Variants in HMCN1 observed in about 807,000 individuals in gnomAD.
HMCN1 encodes hemicentin-1.
In HMCN1, 321 loss-of-function variants were observed where a neutral mutation model predicts 625.9. The ratio of observed to expected loss-of-function variants is 0.51; its 90% CI spans 0.47 to 0.56. The LOEUF (loss-of-function observed/expected upper bound fraction) is 0.56, where lower values mean the gene tolerates loss of function less well. HMCN1 is among the 20% of genes least tolerant of loss of function. HMCN1 has a pLI of 0.00. For missense variants in HMCN1, 6,588 were observed against 6,887.3 expected, an observed-to-expected ratio of 0.96 and a Z score of 1.54; for synonymous variants, 2,425 against 2,417.6, an observed-to-expected ratio of 1.00 and a Z score of -0.09.
At position 186,041,097 on chromosome 1, in the gene HMCN1, G is replaced by C. The variant is rs931620705; in HGVS notation, c.6265G>C (p.Ala2089Pro). The part of the protein sequence containing the change: ...GRYTCVAVNA[A>P]GEKQRDIDLR... ...GTACACCTGCGTGGCAGTGAATGCT[G>C]CTGGAGAAAAGCAAAGGGACATTGA... The change falls in exon 40 of 107, where the codon GCT becomes CCT. Residue 2089 changes from alanine to proline, a missense_variant. Ala to Pro is a conservative substitution (Grantham distance 27, BLOSUM62 -1). Around this residue, in one of 3 missense-constraint regions of HMCN1, gnomAD observed 4,628 missense variants for 4,853.1 expected, o/e 0.95. Coordinates refer to ENST00000271588, the MANE Select transcript of HMCN1 (RefSeq NM_031935.3). 1 of 1,612,960 alleles carries C rather than the reference G, an allele frequency of 6.2e-7. No individual in the cohort carries two copies. Among genetic ancestry groups the C allele is most frequent in the Non-Finnish European group, 8.5e-7 (1 of 1,179,174 alleles).
intron 55 of HMCN1, among the ~76,000 whole-genome samples, chr1:186,079,184 T>C (rs982150268): frequency 1.3e-5 from 2 of 152,152 alleles, no homozygotes; most frequent in African/African-American, 4.8e-5. Flanking sequence ...TCCCCCTTTA[T>C]CTTGGCTTTT....
intron 2 of HMCN1, among the ~76,000 whole-genome samples, chr1:185,849,050 C>T (rs191659008): frequency 7.4e-4 from 113 of 152,250 alleles, no homozygotes; most frequent in South Asian, 4.1e-4. Flanking sequence ...ATCTACTTGA[C>T]TCTTTACCCA....
At chr1:186,048,386 T>A (rs1272874977) in intron 41 of HMCN1, among the ~76,000 whole-genome samples, 1 of 152,168 alleles carries the variant, frequency 6.6e-6, no homozygotes, top group East Asian at 1.9e-4. Flanking sequence ...ATAAGGCTGT[T>A]ATTTTACTGG....
intron 36 of HMCN1, among the ~76,000 whole-genome samples, chr1:186,036,941 G>A (rs1056246943): frequency 4.6e-5 from 7 of 151,900 alleles, no homozygotes; most frequent in African/African-American, 1.7e-4. Context: ...GTGTCAAAAA[G>A]CTCTATTAAA....
intron 1 of HMCN1, among the ~76,000 whole-genome samples, chr1:185,830,091 G>A (rs1660763771): frequency 6.6e-6 from 1 of 151,988 alleles, no homozygotes; most frequent in Non-Finnish European, 1.5e-5. Context: ...TTTTGATAGA[G>A]TTGTTTGTTT....
At chr1:185,989,405 C>T (rs772595077) in intron 20 of HMCN1, 83 bp from the exon 21 acceptor site, 18 of 1,506,206 alleles carry the variant, frequency 1.2e-5, no homozygotes, top group Non-Finnish European at 1.7e-5. Flanking sequence ...CTCTCTATTC[C>T]TCTTCCAGAC....
intron 18 of HMCN1, among the ~76,000 whole-genome samples, chr1:185,983,282 T>G (rs751001358): frequency 2.6e-5 from 4 of 152,134 alleles, no homozygotes; most frequent in African/African-American, 4.8e-5. Context: ...CATTTTTCTT[T>G]CCATTTTCCA....
chr1:186,114,637 C>T (rs1009754687), intron 73 of HMCN1, among the ~76,000 whole-genome samples, 182 bp from the exon 74 acceptor site: 1 of 152,146 alleles, frequency 6.6e-6, no homozygotes, highest in African/African-American at 2.4e-5. Flanking sequence ...ATCACAAGCC[C>T]ATCTGTTATG....
rs1390284925 is a variant in HMCN1, at chr1:185,797,682, T to TCTTTTTATAATGGTGGGTA, written c.269-48344_269-48343insCTTTTTATAATGGTGGGTA. Among the ~76,000 whole-genome samples the TCTTTTTATAATGGTGGGTA allele has an allele frequency of 4.3e-4, 63 of 147,612 alleles. 1 individual carries two copies. The highest frequency in any genetic ancestry group is 1.5e-3 in the African/African-American group (56 of 37,040). The stretch of plus-strand genomic sequence containing the variant: ...TATGCAATTGCTTTATAAGACTTGT[T>TCTTTTTATAATGGTGGGTA]TTGGCCGGGCGCGGTGGCTCACGCC... On this transcript the variant is annotated intron_variant, in intron 1 of 106. Coordinates refer to ENST00000271588, the MANE Select transcript of HMCN1 (RefSeq NM_031935.3).
chr1:185,992,354 A>G (rs983831211), intron 22 of HMCN1, among the ~76,000 whole-genome samples: 1 of 152,178 alleles, frequency 6.6e-6, no homozygotes, highest in Non-Finnish European at 1.5e-5. Flanking sequence ...ATAACCTTCA[A>G]TGTTTAATTC....
Position 185,787,137 on chromosome 1 carries a change from ATGTATG to A in HMCN1, c.268+52094_268+52099del, listed in dbSNP as rs1285555803. Among the ~76,000 whole-genome samples the A allele has an allele frequency of 2.4e-3, 322 of 132,282 alleles. 2 individuals are homozygous for A. The highest frequency in any genetic ancestry group is 9.0e-3 in the African/African-American group (302 of 33,482). 86.8% of individuals were successfully genotyped at this position (132,282 alleles called of 152,430 possible). A position where few individuals can be genotyped will look rare whatever the true frequency, so the allele number is the denominator to read the frequency against. ...AGAGAAAATTGTATGAAGCGCCATG[ATGTATG>A]TGTGTGTGTGTGTGTGTGTGTGTGT... On this transcript the variant is annotated intron_variant, in intron 1 of 106. Coordinates refer to ENST00000271588, the MANE Select transcript of HMCN1 (RefSeq NM_031935.3).
rs1368376549 is a variant in HMCN1 at position 186,140,257 on chromosome 1, G to A, written c.13924+2285G>A. Among the ~76,000 whole-genome samples the A allele has an allele frequency of 9.9e-5, 15 of 152,114 alleles. No individual in the cohort carries two copies. In the South Asian group the frequency reaches 1.5e-3, roughly 15 times the overall value. The stretch of plus-strand genomic sequence containing the variant: ...TCCCCCATTCCAAGATCCGATCCAC[G>A]ATCACACTTGTACTTATTTGTTGTG... On this transcript the variant is annotated intron_variant, in intron 89 of 106. Transcript: ENST00000271588.
At chr1:186,131,590 A>G (rs1661934212) in intron 85 of HMCN1, among the ~76,000 whole-genome samples, 1 of 152,130 alleles carries the variant, frequency 6.6e-6, no homozygotes, top group Non-Finnish European at 1.5e-5. Flanking sequence ...CTCAAATTAA[A>G]CATCTAAACC....
intron 79 of HMCN1, 31 bp from the exon 80 acceptor site, chr1:186,119,980 T>TTC (rs1558238017): frequency 1.2e-6 from 2 of 1,612,786 alleles, no homozygotes; most frequent in African/African-American, 2.7e-5. Context: ...CTTTTTTTTT[T>TTC]CCCCACTCTG....
intron 11 of HMCN1, among the ~76,000 whole-genome samples, chr1:185,944,008 T>A (rs2102516888): frequency 6.6e-6 from 1 of 152,286 alleles, no homozygotes; most frequent in South Asian, 2.1e-4. Flanking sequence ...GGAAATAGAA[T>A]CTCTGAAGGA....
chr1:185,906,132 A>G (rs1666084348), intron 4 of HMCN1, among the ~76,000 whole-genome samples: 1 of 151,752 alleles, frequency 6.6e-6, no homozygotes, highest in Non-Finnish European at 1.5e-5. Flanking sequence ...ACAGATTTTT[A>G]ATTTTCTTGT....
chr1:185,825,561 A>G (rs1359437901), intron 1 of HMCN1, among the ~76,000 whole-genome samples: 1 of 152,172 alleles, frequency 6.6e-6, no homozygotes, highest in Non-Finnish European at 1.5e-5. Context: ...AAAACAAAGA[A>G]TTTGTAATCT....
chr1:185,765,664 T>C (rs1262288939), intron 1 of HMCN1, among the ~76,000 whole-genome samples: 1 of 152,188 alleles, frequency 6.6e-6, no homozygotes, highest in Non-Finnish European at 1.5e-5. Flanking sequence ...GACCAGAATC[T>C]GAGTAATTTA....
intron 10 of HMCN1, among the ~76,000 whole-genome samples, chr1:185,930,734 A>C (rs1667501046): frequency 1.3e-5 from 2 of 152,164 alleles, no homozygotes; most frequent in African/African-American, 4.8e-5. Context: ...CAACAGGTGT[A>C]GAAAGCAATG....
Sources: allele counts gnomAD v4.1 joint callset (sites outside exome capture counted in the v4.1 genomes callset), GRCh38; gene constraint gnomAD v4.1.1; regional missense constraint gnomAD v4.1.1; transcripts MANE v1.5; gene names NCBI Gene and HGNC (gene_info 2026-07-23, HGNC 2026-07-21).